FBRSL1: variants seen among roughly 807,000 people sequenced by gnomAD.
FBRSL1 encodes fibrosin-1-like protein.
FBRSL1 carries 51 observed loss-of-function variants against 89.6 expected under a neutral mutation model. The observed-to-expected ratio is 0.57, with a 90% CI of 0.45 to 0.72. The LOEUF (loss-of-function observed/expected upper bound fraction) is 0.72, where lower values mean the gene tolerates loss of function less well. Among genes scored for constraint, FBRSL1 ranks in the 30% least tolerant of loss-of-function variants. The pLI is 0.00. For synonymous variants in FBRSL1, 779 were observed against 681.1 expected, an observed-to-expected ratio of 1.14 and a Z score of -2.24; for missense variants, 1,618 against 1,451.8, an observed-to-expected ratio of 1.11 and a Z score of -1.86.
chr12:132,579,322 G>A (rs1370689807), intron 15 of FBRSL1, among the ~76,000 whole-genome samples: 1 of 152,100 alleles, frequency 6.6e-6, no homozygotes, highest in Non-Finnish European at 1.5e-5. Flanking sequence ...CGTCATCTCC[G>A]GTATCATTTT....
intron 2 of FBRSL1, among the ~76,000 whole-genome samples, chr12:132,508,815 C>T (rs566938207): frequency 3.3e-5 from 5 of 152,334 alleles, no homozygotes; most frequent in African/African-American, 1.2e-4. Flanking sequence ...GCTGCAGGCA[C>T]GTGACTGTGG....
intron 4 of FBRSL1, among the ~76,000 whole-genome samples, chr12:132,537,146 G>A (rs1373232855): frequency 1.3e-5 from 2 of 152,220 alleles, no homozygotes; most frequent in Non-Finnish European, 2.9e-5. Flanking sequence ...TGAGGGCAGA[G>A]GGTTAGGGAT....
rs1361030623 is a variant in FBRSL1 at position 132,570,493 on chromosome 12, C to T, written c.1166C>T (p.Pro389Leu). The T allele has an allele frequency of 2.0e-6, 3 of 1,528,678 alleles. No homozygotes were observed. The highest frequency in any genetic ancestry group is 2.6e-6 in the Non-Finnish European group (3 of 1,143,230). The allele number at this position is 1,528,678 out of a possible 1,614,324, so 94.7% of individuals were successfully genotyped here. A position where few individuals can be genotyped will look rare whatever the true frequency, so the allele number is the denominator to read the frequency against. ...MFAAPPTLPP[P>L]PALPASSLVL... ...GCCGCACCCCCGACACTGCCCCCGC[C>T]CCCGGCGCTGCCGGCCAGCAGCCTG... The change falls in exon 8 of 19, where the codon CCC becomes CTC. Residue 389 changes from proline (P) to leucine (L), a missense_variant. Physicochemically the swap from Pro to Leu is moderately conservative, Grantham distance 98 (BLOSUM62 -3). Coordinates refer to ENST00000680143, the MANE Select transcript of FBRSL1 (RefSeq NM_001367871.1).
intron 15 of FBRSL1, among the ~76,000 whole-genome samples, chr12:132,577,439 G>A (rs901239384): frequency 6.6e-6 from 1 of 152,184 alleles, no homozygotes; most frequent in Non-Finnish European, 1.5e-5. Context: ...GCCAGGCTGG[G>A]CCCACACCCC....
intron 5 of FBRSL1, chr12:132,551,569 G>T: frequency 4.4e-6 from 2 of 456,296 alleles, no homozygotes; most frequent in Non-Finnish European, 8.8e-6. Context: ...CTTGGTTTGG[G>T]GTGCCAGCTC....
chr12:132,570,615 C>T (rs1046016736), intron 8 of FBRSL1, 75 bp downstream of exon 8: 30 of 1,266,274 alleles, frequency 2.4e-5, no homozygotes, highest in Non-Finnish European at 3.1e-5. Flanking sequence ...GGGAGGGGCG[C>T]ACAGCCTGGC....
chr12:132,506,593 G>A (rs1240411604), intron 1 of FBRSL1, among the ~76,000 whole-genome samples: 4 of 152,264 alleles, frequency 2.6e-5, no homozygotes, highest in Non-Finnish European at 4.4e-5. Context: ...TTGATCCAGC[G>A]CTGCAAACAG....
intron 3 of FBRSL1, among the ~76,000 whole-genome samples, chr12:132,527,468 C>T (rs968211170): frequency 3.3e-5 from 5 of 152,366 alleles, no homozygotes; most frequent in Non-Finnish European, 7.3e-5. Context: ...CCCACCACGA[C>T]GCCTAACTCT....
intron 2 of FBRSL1, among the ~76,000 whole-genome samples, chr12:132,523,655 C>T (rs1219170191): frequency 6.6e-6 from 1 of 152,226 alleles, no homozygotes; most frequent in Non-Finnish European, 1.5e-5. Flanking sequence ...CAGCCTTTCC[C>T]ATCGCTGCCA....
intron 15 of FBRSL1, chr12:132,581,092 A>C: frequency 1.0e-6 from 1 of 985,454 alleles, no homozygotes; most frequent in Non-Finnish European, 1.2e-6. Flanking sequence ...CTCTGAGATA[A>C]AGGCTTCAGG....
chr12:132,518,473 ATCCATCCACCCATGTG>A (rs1566131162), intron 2 of FBRSL1, among the ~76,000 whole-genome samples: 2 of 148,464 alleles, frequency 1.3e-5, no homozygotes, highest in Non-Finnish European at 3.0e-5. Flanking sequence ...CCGTCTGTCC[ATCCATCCACCCATGTG>A]TCCATCCACC....
At chr12:132,509,984 G>T (rs1315195716) in intron 2 of FBRSL1, 13 of 1,231,600 alleles carry the variant, frequency 1.1e-5, no homozygotes, top group Middle Eastern at 3.1e-4. Context: ...GCCCCCGGCG[G>T]TCGCTGCTGC....
At chr12:132,557,539 A>T (rs920845613) in intron 5 of FBRSL1, among the ~76,000 whole-genome samples, 2 of 152,150 alleles carry the variant, frequency 1.3e-5, no homozygotes, top group Non-Finnish European at 2.9e-5. Context: ...CCAGGCCAGG[A>T]TCTCTGCCTG....
At position 132,514,126 on chromosome 12, in the gene FBRSL1, C is replaced by T. The variant is rs540465875; in HGVS notation, c.489+5776C>T. On this transcript the variant is annotated intron_variant, in intron 2 of 18. Coordinates refer to ENST00000680143, the MANE Select transcript of FBRSL1 (RefSeq NM_001367871.1). The stretch of plus-strand genomic sequence containing the variant: ...GGACGATGAGCTCCGCCTCTGTTCT[C>T]GCGTCAGGGCTCGGCTCCTCCGTGT... 1.4e-4 allele frequency among the ~76,000 whole-genome samples: 22 copies of T among 152,324 alleles called. 1 individual carries two copies. In the South Asian group the frequency reaches 4.1e-3, roughly 29 times the overall value.
rs770581126 is a variant in FBRSL1 at position 132,580,758 on chromosome 12, G to T, written c.1835-681G>T. The T allele has an allele frequency of 7.1e-6, 7 of 985,278 alleles. No individual in the cohort carries two copies. The East Asian group carries it at 7.9e-4, about 112-fold the overall frequency. The allele number at this position is 985,278 out of a possible 1,614,324, so 61.0% of individuals were successfully genotyped here. ...TAAGATTAGGGCTGGGAGGGAGTCG[G>T]AGTAACCTAAAGATGACGCCCTGCT... On this transcript the variant is annotated intron_variant, in intron 15 of 18. Transcript: ENST00000680143.
At chr12:132,555,491 G>A (rs951566544) in intron 5 of FBRSL1, among the ~76,000 whole-genome samples, 13 of 150,160 alleles carry the variant, frequency 8.7e-5, no homozygotes, top group Non-Finnish European at 1.6e-4. Flanking sequence ...CCACCCGAGC[G>A]TGAGCGTGGC....
chr12:132,532,166 GA>G (rs11297441), intron 4 of FBRSL1, among the ~76,000 whole-genome samples: 34,652 of 152,158 alleles, frequency 0.23, 4,791 homozygotes, highest in Non-Finnish European at 0.32. Context: ...GAGCCAGAGT[GA>G]GGGGCTGGGT....
At chr12:132,536,367 CATG>C (rs1257690926) in intron 4 of FBRSL1, among the ~76,000 whole-genome samples, 1 of 148,110 alleles carries the variant, frequency 6.8e-6, no homozygotes, top group Non-Finnish European at 1.5e-5. Context: ...TGATTGTGTA[CATG>C]ATGGTGTGTG....
At chr12:132,542,843 C>G (rs1014355384) in intron 4 of FBRSL1, among the ~76,000 whole-genome samples, 26 of 152,256 alleles carry the variant, frequency 1.7e-4, no homozygotes, top group African/African-American at 6.0e-4. Flanking sequence ...CCTGAGCACA[C>G]CGAAGCCATA....
Sources: gnomAD v4.1 joint callset for allele counts (sites outside exome capture counted in the v4.1 genomes callset) on GRCh38, gnomAD v4.1.1 for gene constraint, MANE v1.5 for transcripts, NCBI Gene and HGNC (gene_info 2026-07-23, HGNC 2026-07-21) for gene names.